Variants in MTHFD1 observed in about 807,000 individuals in gnomAD.
The protein encoded by MTHFD1 is methylenetetrahydrofolate dehydrogenase, cyclohydrolase and formyltetrahydrofolate synthetase 1.
MTHFD1 carries 44 observed loss-of-function variants against 110.3 expected under a neutral mutation model. That is an observed-to-expected ratio of 0.40 (90% confidence interval 0.31 to 0.51). The LOEUF (loss-of-function observed/expected upper bound fraction) is 0.51, where lower values mean the gene tolerates loss of function less well. MTHFD1 is among the 20% of genes least tolerant of loss of function. The pLI is 0.60. For missense variants in MTHFD1, 909 were observed against 1,173.1 expected (o/e 0.77, Z 3.29); for synonymous variants, 402 against 428.8 (o/e 0.94, Z 0.77).
At chr14:64,416,857 A>C (rs1331956804) in intron 6 of MTHFD1, among the ~76,000 whole-genome samples, 1 of 152,224 alleles carries the variant, frequency 6.6e-6, no homozygotes, top group African/African-American at 2.4e-5. Flanking sequence ...GCCCTGATGC[A>C]GCTTTAACTC....
chr14:64,390,774 G>A (rs1206628511), intron 1 of MTHFD1, among the ~76,000 whole-genome samples: 3 of 151,862 alleles, frequency 2.0e-5, no homozygotes, highest in Non-Finnish European at 4.4e-5. Flanking sequence ...TCAGCCTCCC[G>A]AGTAGCTGAG....
chr14:64,444,844 T>G (rs8012229), intron 22 of MTHFD1, 110 bp downstream of exon 22: 1 of 1,225,424 alleles, frequency 8.2e-7, no homozygotes, highest in African/African-American at 1.5e-5. Context: ...TGACCCAGGG[T>G]GCAGGGTGCC....
rs1389737968 is a variant in MTHFD1, at chr14:64,458,302, A to G, written c.2807A>G (p.Ter936=). 1.2e-6 allele frequency: 2 copies of G among 1,608,886 alleles called. No homozygotes were observed. Among genetic ancestry groups the G allele is most frequent in the Non-Finnish European group, 1.7e-6 (2 of 1,175,220 alleles). ...PETEQVNGLF[*] Reference sequence around the variant, plus strand: ...ACAGAACAGGTGAATGGATTATTCTAAACAGGTAAGTTGTTACTGGGTAAT... The same window carrying G: ...ACAGAACAGGTGAATGGATTATTCTGAACAGGTAAGTTGTTACTGGGTAAT... Residue 936 remains the stop codon, a stop_retained_variant, in exon 27 of 28, where the codon TAA becomes TGA. Coordinates refer to ENST00000652337, the MANE Select transcript of MTHFD1 (RefSeq NM_005956.4).
intron 26 of MTHFD1, 194 bp from the exon 27 acceptor site, chr14:64,458,020 A>G (rs2078502931): frequency 1.6e-6 from 1 of 619,844 alleles, no homozygotes; most frequent in African/African-American, 1.8e-5. Flanking sequence ...CATCCCAAGT[A>G]GCTGGAACTA....
chr14:64,412,965 C>A (rs2077996292), intron 4 of MTHFD1, among the ~76,000 whole-genome samples: 1 of 151,542 alleles, frequency 6.6e-6, no homozygotes, highest in Non-Finnish European at 1.5e-5. Context: ...TTCACAGACT[C>A]CCACAGAGGA....
intron 1 of MTHFD1, 103 bp downstream of exon 1, chr14:64,388,571 G>C: frequency 4.8e-6 from 5 of 1,044,540 alleles, no homozygotes; most frequent in Non-Finnish European, 6.0e-6. Context: ...ACTTGTAGCG[G>C]AAGAGTTAGG....
chr14:64,412,382 C>T (rs2077991337), intron 3 of MTHFD1, 90 bp from the exon 4 acceptor site: 2 of 946,034 alleles, frequency 2.1e-6, no homozygotes, highest in Non-Finnish European at 3.5e-6. Context: ...TGACCAACAC[C>T]TCCTTGCTTG....
At chr14:64,406,335 G>A (rs1596534851) in intron 2 of MTHFD1, among the ~76,000 whole-genome samples, 2 of 151,624 alleles carry the variant, frequency 1.3e-5, no homozygotes, top group Admixed American at 6.6e-5. Flanking sequence ...CACTGCTCCC[G>A]GCCAATTTTA....
At chr14:64,416,887 G>A (rs2078029974) in intron 6 of MTHFD1, among the ~76,000 whole-genome samples, 2 of 152,132 alleles carry the variant, frequency 1.3e-5, no homozygotes, top group South Asian at 4.1e-4. Flanking sequence ...ATCCTAAAAA[G>A]TATAGAAAGT....
chr14:64,427,786 A>G (rs2078129201), intron 12 of MTHFD1, among the ~76,000 whole-genome samples: 1 of 152,206 alleles, frequency 6.6e-6, no homozygotes, highest in Non-Finnish European at 1.5e-5. Context: ...TGATCATCTT[A>G]CAGACACTCT....
intron 1 of MTHFD1, among the ~76,000 whole-genome samples, chr14:64,391,932 G>C (rs1468549736): frequency 2.0e-5 from 3 of 152,198 alleles, no homozygotes; most frequent in Non-Finnish European, 2.9e-5. Flanking sequence ...CTGATGGGTA[G>C]AGACAGACAT....
chr14:64,448,058 T>G, intron 22 of MTHFD1, 159 bp from the exon 23 acceptor site: 1 of 678,920 alleles, frequency 1.5e-6, no homozygotes, highest in Non-Finnish European at 2.7e-6. Flanking sequence ...CTCACCGCAC[T>G]GGAAAAAATG....
chr14:64,459,803 G>A lies in MTHFD1; in HGVS notation c.*49G>A, dbSNP rs1207246631. The A allele has an allele frequency of 7.8e-6, 12 of 1,535,896 alleles. No individual in the cohort carries two copies. The highest frequency in any genetic ancestry group is 2.7e-5 in the African/African-American group (2 of 73,040). On this transcript the variant is annotated 3_prime_UTR_variant, in exon 28 of 28. Transcript: ENST00000652337. ...AAGCTACTTTGAAAGTCTGGCCAGTGTCTATTCAGGCCCACTGGGAGTTAG... is the reference window on the plus strand; with the variant it reads ...AAGCTACTTTGAAAGTCTGGCCAGTATCTATTCAGGCCCACTGGGAGTTAG...
At chr14:64,415,249 T>A in intron 4 of MTHFD1, 109 bp from the exon 5 acceptor site, 10 of 892,784 alleles carry the variant, frequency 1.1e-5, no homozygotes, top group Non-Finnish European at 1.7e-5. Context: ...AGGACTATAA[T>A]TAAAGTGTTG....
Position 64,415,366 on chromosome 14 carries a change from G to A in MTHFD1, c.249G>A (p.Lys83=). The change falls in exon 5 of 28, where the codon AAG becomes AAA. Residue 83 remains lysine (K), a synonymous_variant. Coordinates refer to ENST00000652337, the MANE Select transcript of MTHFD1 (RefSeq NM_005956.4). ...PRTTTESEVM[K]YITSLNEDST... Reference sequence around the variant, plus strand: ...TATGGTATTACTTTTAGGTGATGAAGTACATTACATCTTTGAATGAAGACT... The same window carrying A: ...TATGGTATTACTTTTAGGTGATGAAATACATTACATCTTTGAATGAAGACT... 4 of 1,608,008 alleles carry A rather than the reference G, an allele frequency of 2.5e-6. No individual in the cohort carries two copies. Among genetic ancestry groups the A allele is most frequent in the Non-Finnish European group, 3.4e-6 (4 of 1,174,396 alleles).
chr14:64,456,288 A>G (rs1241018653), intron 26 of MTHFD1, among the ~76,000 whole-genome samples: 1 of 152,226 alleles, frequency 6.6e-6, no homozygotes, highest in African/African-American at 2.4e-5. Flanking sequence ...GTTTCCACAC[A>G]TGATCAAATG....
intron 4 of MTHFD1, among the ~76,000 whole-genome samples, chr14:64,414,440 C>T (rs547585324): frequency 3.6e-4 from 55 of 151,820 alleles, no homozygotes; most frequent in Admixed American, 1.3e-4. Context: ...TACAGGCATG[C>T]GCCACTATGC....
At chr14:64,415,028 T>C (rs1331483032) in intron 4 of MTHFD1, among the ~76,000 whole-genome samples, 4 of 152,106 alleles carry the variant, frequency 2.6e-5, no homozygotes, top group African/African-American at 9.7e-5. Context: ...AGATATCACA[T>C]TTCACTGTGT....
At position 64,400,804 on chromosome 14, in the gene MTHFD1, C is replaced by A. The variant is rs151019303; in HGVS notation, c.53C>A (p.Ala18Glu). The part of the protein sequence containing the change: ...NGKEISAQIR[A>E]RLKNQVTQLK... ...TCCTTTTTCTCTAGGCAAATAAGGGCGAGACTGAAAAATCAAGTCACTCAG... is the reference window on the plus strand; with the variant it reads ...TCCTTTTTCTCTAGGCAAATAAGGGAGAGACTGAAAAATCAAGTCACTCAG... Residue 18 changes from alanine to glutamate, a missense_variant, in exon 2 of 28, where the codon GCG becomes GAG. Ala to Glu is a moderately radical substitution (Grantham distance 107). Transcript: ENST00000652337. 2 of 1,613,048 alleles carry A rather than the reference C, an allele frequency of 1.2e-6. No homozygotes were observed. Among genetic ancestry groups the A allele is most frequent in the Non-Finnish European group, 1.7e-6 (2 of 1,179,198 alleles).
Sources: allele counts gnomAD v4.1 joint callset (sites outside exome capture counted in the v4.1 genomes callset), GRCh38; gene constraint gnomAD v4.1.1; transcripts MANE v1.5; gene names NCBI Gene and HGNC (gene_info 2026-07-23, HGNC 2026-07-21).